NOL4: variants seen among roughly 807,000 people sequenced by gnomAD.
NOL4 encodes the protein nucleolar protein 4.
NOL4 carries 17 observed loss-of-function variants against 75.9 expected under a neutral mutation model. That is an observed-to-expected ratio of 0.22 (90% CI 0.15 to 0.34). The LOEUF (loss-of-function observed/expected upper bound fraction) is 0.34, where lower values mean the gene tolerates loss of function less well. Among genes scored for constraint, NOL4 ranks in the 10% least tolerant of loss-of-function variants. NOL4 has a pLI of 1.00. For missense variants in NOL4, 614 were observed against 793.5 expected (o/e 0.77, Z 2.72); for synonymous variants, 292 against 289.9 (o/e 1.01, Z -0.07).
chr18:34,033,776 G>A (rs998689254), intron 5 of NOL4, among the ~76,000 whole-genome samples: 2 of 151,684 alleles, frequency 1.3e-5, no homozygotes, highest in African/African-American at 4.8e-5. Context: ...AGATAAATAG[G>A]GAATTCTAAA....
intron 1 of NOL4, among the ~76,000 whole-genome samples, chr18:34,210,877 T>C (rs1267168161): frequency 6.6e-6 from 1 of 152,148 alleles, no homozygotes; most frequent in African/African-American, 2.4e-5. Context: ...TAGAGCACCA[T>C]TTATAGTGGA....
At chr18:34,020,251 G>A (rs1207585887) in intron 5 of NOL4, among the ~76,000 whole-genome samples, 1 of 151,930 alleles carries the variant, frequency 6.6e-6, no homozygotes, top group Non-Finnish European at 1.5e-5. Context: ...ACAGAATTGA[G>A]AGAACAGTTC....
intron 9 of NOL4, among the ~76,000 whole-genome samples, chr18:33,900,937 C>T (rs1418539388): frequency 1.3e-5 from 2 of 152,042 alleles, no homozygotes; most frequent in African/African-American, 4.8e-5. Context: ...TATGTAGATG[C>T]ATTATTTGTT....
chr18:33,952,746 G>T (rs2069330688), intron 8 of NOL4, among the ~76,000 whole-genome samples: 1 of 152,168 alleles, frequency 6.6e-6, no homozygotes, highest in South Asian at 2.1e-4. Context: ...CCAACATGGA[G>T]AAACCCCATC....
intron 6 of NOL4, among the ~76,000 whole-genome samples, chr18:33,964,445 G>A (rs2070403927): frequency 7.0e-6 from 1 of 143,816 alleles, no homozygotes; most frequent in Admixed American, 7.0e-5. Flanking sequence ...AAGAAAGAAA[G>A]AAAGAAAGAG....
intron 6 of NOL4, among the ~76,000 whole-genome samples, chr18:33,978,113 G>A (rs1284173662): frequency 6.6e-6 from 1 of 152,110 alleles, no homozygotes; most frequent in Non-Finnish European, 1.5e-5. Flanking sequence ...AGAGAATATT[G>A]GGTTGGTGAC....
In NOL4 at chr18:34,213,768, C is replaced by T. The variant is rs1340651671; in HGVS notation, c.264+9222G>A. On this transcript the variant is annotated intron_variant, in intron 1 of 10. Coordinates refer to ENST00000261592, the MANE Select transcript of NOL4 (RefSeq NM_003787.5). ...CTCAGAACTGTAAGAAATAAATCCT[C>T]ATTCTTTATAAATTAACCATTCTGT... Among the ~76,000 whole-genome samples the T allele has an allele frequency of 2.6e-5, 4 of 152,156 alleles. No homozygotes were observed. In the East Asian group the frequency reaches 7.7e-4, roughly 29 times the overall value.
chr18:34,169,583 T>C (rs1383252783), intron 1 of NOL4, among the ~76,000 whole-genome samples: 1 of 151,842 alleles, frequency 6.6e-6, no homozygotes, highest in Non-Finnish European at 1.5e-5. Flanking sequence ...TCCAAATATA[T>C]GCCACTTACA....
intron 2 of NOL4, among the ~76,000 whole-genome samples, 158 bp downstream of exon 2, chr18:34,129,713 C>G (rs2080547280): frequency 6.6e-6 from 1 of 151,842 alleles, no homozygotes; most frequent in Non-Finnish European, 1.5e-5. Flanking sequence ...AGTGAACATA[C>G]AACCAAAATA....
At chr18:33,945,735 T>C (rs1410406467) in intron 8 of NOL4, among the ~76,000 whole-genome samples, 1 of 151,734 alleles carries the variant, frequency 6.6e-6, no homozygotes, top group Non-Finnish European at 1.5e-5. Flanking sequence ...GAATCAAAGA[T>C]GCATGATTCA....
At chr18:34,040,868 A>G (rs567580207) in intron 5 of NOL4, among the ~76,000 whole-genome samples, 1 of 152,120 alleles carries the variant, frequency 6.6e-6, no homozygotes, top group South Asian at 2.1e-4. Flanking sequence ...AATATATTTT[A>G]TATTCACGTC....
chr18:33,883,169 C>A, intron 10 of NOL4, 75 bp downstream of exon 10: 1 of 1,125,568 alleles, frequency 8.9e-7, no homozygotes, highest in Non-Finnish European at 1.3e-6. Context: ...AACTAACCTG[C>A]GCAATGTGCA....
intron 6 of NOL4, among the ~76,000 whole-genome samples, chr18:33,997,451 C>G (rs1003097847): frequency 6.6e-6 from 1 of 151,520 alleles, no homozygotes; most frequent in Non-Finnish European, 1.5e-5. Flanking sequence ...TGTACCAATA[C>G]CATGCTGTTT....
At chr18:34,066,330 A>C (rs2077274181) in intron 5 of NOL4, among the ~76,000 whole-genome samples, 1 of 151,996 alleles carries the variant, frequency 6.6e-6, no homozygotes, top group Non-Finnish European at 1.5e-5. Flanking sequence ...TATTACATTA[A>C]AATAGAAAGT....
At chr18:34,163,571 C>T (rs1253683518) in intron 1 of NOL4, among the ~76,000 whole-genome samples, 1 of 152,146 alleles carries the variant, frequency 6.6e-6, no homozygotes, top group African/African-American at 2.4e-5. Context: ...CTACAAACCA[C>T]TGCTCAGTGA....
intron 1 of NOL4, among the ~76,000 whole-genome samples, chr18:34,155,379 C>T (rs2030191133): frequency 6.6e-6 from 1 of 151,858 alleles, no homozygotes; most frequent in Non-Finnish European, 1.5e-5. Context: ...TAAAACAAGG[C>T]AGTCAATATT....
At chr18:34,161,981 C>T (rs1340874667) in intron 1 of NOL4, among the ~76,000 whole-genome samples, 1 of 151,932 alleles carries the variant, frequency 6.6e-6, no homozygotes, top group Non-Finnish European at 1.5e-5. Context: ...AATTATCCTC[C>T]TAACTTCTAA....
intron 9 of NOL4, among the ~76,000 whole-genome samples, chr18:33,931,871 T>C (rs1052657390): frequency 6.6e-6 from 1 of 152,086 alleles, no homozygotes; most frequent in African/African-American, 2.4e-5. Context: ...TAAATATATA[T>C]ATTTAAAACT....
chr18:33,943,356 T>TA (rs145065299), intron 8 of NOL4, among the ~76,000 whole-genome samples, 178 bp from the exon 9 acceptor site: 3,910 of 151,936 alleles, frequency 0.026, 65 homozygotes, highest in Non-Finnish European at 0.028. Flanking sequence ...AAATGAAAGC[T>TA]AGTTAGAGGT....
Sources: allele counts gnomAD v4.1 joint callset (sites outside exome capture counted in the v4.1 genomes callset), GRCh38; gene constraint gnomAD v4.1.1; transcripts MANE v1.5; gene names NCBI Gene and HGNC (gene_info 2026-07-23, HGNC 2026-07-21).